Variants in APBB2 observed in about 807,000 individuals in gnomAD.
The protein encoded by APBB2 is amyloid beta precursor protein binding family B member 2.
A neutral mutation model predicts 82.5 loss-of-function variants in APBB2; 38 were observed. The observed-to-expected ratio is 0.46, with a 90% CI of 0.36 to 0.60. APBB2 has a LOEUF of 0.60. Ranked by LOEUF, APBB2 falls within the 20% of genes least tolerant of loss-of-function variation. The probability of loss-of-function intolerance (pLI) is 0.00; values close to 1 mark genes in which losing one functional copy is unlikely to be tolerated. For missense variants in APBB2, 772 were observed against 972.3 expected (o/e 0.79, Z 2.74); for synonymous variants, 341 against 368.2 (o/e 0.93, Z 0.85).
chr4:41,006,326 T>C (rs1806717928), intron 6 of APBB2, among the ~76,000 whole-genome samples: 1 of 152,224 alleles, frequency 6.6e-6, no homozygotes, highest in Non-Finnish European at 1.5e-5. Flanking sequence ...GAATTCTTCC[T>C]GTCGCATTAT....
At chr4:41,121,674 C>T (rs1560808730) in intron 2 of APBB2, among the ~76,000 whole-genome samples, 1 of 152,196 alleles carries the variant, frequency 6.6e-6, no homozygotes, top group Non-Finnish European at 1.5e-5. Context: ...CATTTTGGTT[C>T]AGCCAAATCC....
intron 1 of APBB2, among the ~76,000 whole-genome samples, chr4:41,162,094 T>A (rs1765313385): frequency 6.6e-6 from 1 of 152,132 alleles, no homozygotes; most frequent in Admixed American, 6.5e-5. Context: ...ATAAAATTTT[T>A]AAGAGACACT....
chr4:41,199,991 T>A (rs142520537), intron 1 of APBB2, among the ~76,000 whole-genome samples: 1 of 152,246 alleles, frequency 6.6e-6, no homozygotes. Flanking sequence ...TGATCTGGTA[T>A]GAGTAATTGT....
At chr4:41,191,566 C>A (rs1256607777) in intron 1 of APBB2, among the ~76,000 whole-genome samples, 1 of 152,126 alleles carries the variant, frequency 6.6e-6, no homozygotes, top group East Asian at 1.9e-4. Flanking sequence ...TGGATTTCCA[C>A]ACACAAAAGG....
intron 6 of APBB2, among the ~76,000 whole-genome samples, chr4:40,974,082 G>C (rs1329766080): frequency 6.6e-6 from 1 of 151,912 alleles, no homozygotes; most frequent in Non-Finnish European, 1.5e-5. Context: ...TCGAACTCCT[G>C]ACCTTGTGAT....
In APBB2 at chr4:40,982,392, A is replaced by G. The variant is rs1346466089; in HGVS notation, c.835+31191T>C. ...GAAGGAAGGAAGGAAGGAAGGAAGG[A>G]AAGGAAAGGAAAGAAAGAAAGAAAG... On this transcript the variant is annotated intron_variant, in intron 6 of 17. Transcript: ENST00000508593. Among the ~76,000 whole-genome samples the G allele has an allele frequency of 4.7e-4, 8 of 17,026 alleles. 2 individuals carry two copies. The highest frequency in any genetic ancestry group is 1.1e-3 in the African/African-American group (8 of 7,274). The allele number at this position is 17,026 out of a possible 152,430, so 11.2% of individuals were successfully genotyped here.
intron 6 of APBB2, among the ~76,000 whole-genome samples, chr4:40,953,801 T>C (rs1245382385): frequency 6.6e-6 from 1 of 152,166 alleles, no homozygotes; most frequent in African/African-American, 2.4e-5. Flanking sequence ...AGGGGACAGG[T>C]CAAGAGTGGG....
chr4:41,007,305 C>G (rs764843702), intron 6 of APBB2, among the ~76,000 whole-genome samples: 3 of 151,730 alleles, frequency 2.0e-5, no homozygotes, highest in Non-Finnish European at 2.9e-5. Flanking sequence ...CTGCAGCAAA[C>G]GGCACTCACT....
chr4:41,169,090 C>G (rs1767524783), intron 1 of APBB2, among the ~76,000 whole-genome samples: 1 of 148,032 alleles, frequency 6.8e-6, no homozygotes, highest in Admixed American at 6.9e-5. Context: ...GAGGCTGAGG[C>G]AGGAGAATCG....
At chr4:41,115,409 T>C (rs1419343481) in intron 2 of APBB2, among the ~76,000 whole-genome samples, 1 of 152,176 alleles carries the variant, frequency 6.6e-6, no homozygotes, top group Non-Finnish European at 1.5e-5. Context: ...GACATAGGCA[T>C]GGGCAAAGAC....
intron 2 of APBB2, among the ~76,000 whole-genome samples, chr4:41,111,518 T>C (rs961572782): frequency 9.9e-5 from 15 of 152,214 alleles, no homozygotes; most frequent in Admixed American, 7.9e-4. Context: ...AACATGTAGA[T>C]TGAAATGACT....
chr4:40,826,151 G>C lies in APBB2; in HGVS notation c.1733-181C>G. 1.7e-6 allele frequency: 1 copy of C among 588,312 alleles called. No individual in the cohort carries two copies. The highest frequency in any genetic ancestry group is 2.9e-5 in the East Asian group (1 of 34,370). 36.4% of individuals were successfully genotyped at this position (588,312 alleles called of 1,614,324 possible). Reference sequence around the variant, plus strand: ...GCATTACTCCAGATATTGGGGCTCTGTTAAAATCCTGTTCAACTTTCAAGA... The same window carrying C: ...GCATTACTCCAGATATTGGGGCTCTCTTAAAATCCTGTTCAACTTTCAAGA... On this transcript the variant is annotated intron_variant, in intron 14 of 17. Coordinates refer to ENST00000508593, the MANE Select transcript of APBB2 (RefSeq NM_004307.2). This position sits in a 1 kb window ranked among gnomAD's most constrained non-coding sequence, Gnocchi z 4.5.
chr4:40,889,790 G>GAAAATACACATTTTCTGAAA (rs1771447886), intron 12 of APBB2, among the ~76,000 whole-genome samples: 1 of 152,144 alleles, frequency 6.6e-6, no homozygotes, highest in Admixed American at 6.5e-5. Context: ...CACATTTTCA[G>GAAAATACACATTTTCTGAAA]TAGAATTTCA....
chr4:40,855,884 T>A (rs145530920), intron 12 of APBB2, among the ~76,000 whole-genome samples: 2 of 152,358 alleles, frequency 1.3e-5, no homozygotes, highest in African/African-American at 4.8e-5. Context: ...CTTTTACTTA[T>A]AACTTTTACA....
intron 12 of APBB2, among the ~76,000 whole-genome samples, chr4:40,871,537 G>A (rs565612385): frequency 9.2e-5 from 14 of 152,314 alleles, no homozygotes; most frequent in African/African-American, 3.4e-4. Flanking sequence ...AAAAGGAGTA[G>A]GAACACTGAC....
intron 4 of APBB2, among the ~76,000 whole-genome samples, chr4:41,051,966 G>C (rs1726122972): frequency 6.6e-6 from 1 of 152,200 alleles, no homozygotes; most frequent in Non-Finnish European, 1.5e-5. Context: ...TTAAATAGGA[G>C]AGTGTGTGTA....
intron 6 of APBB2, among the ~76,000 whole-genome samples, chr4:40,987,258 T>TA (rs1800644999): frequency 6.6e-6 from 1 of 152,240 alleles, no homozygotes; most frequent in Non-Finnish European, 1.5e-5. Context: ...ATTACTCAGA[T>TA]ATCTGATTTC....
At chr4:40,998,232 G>A (rs1248167372) in intron 6 of APBB2, among the ~76,000 whole-genome samples, 1 of 152,196 alleles carries the variant, frequency 6.6e-6, no homozygotes, top group Non-Finnish European at 1.5e-5. Context: ...AAGATTCACA[G>A]ATGTAATATT....
At chr4:41,201,372 C>G (rs1776655895) in intron 1 of APBB2, among the ~76,000 whole-genome samples, 1 of 152,128 alleles carries the variant, frequency 6.6e-6, no homozygotes, top group Non-Finnish European at 1.5e-5. Context: ...GAATAAAAAG[C>G]ATTTTAAACC....
Sources: gnomAD v4.1 joint callset for allele counts (sites outside exome capture counted in the v4.1 genomes callset) on GRCh38, gnomAD v4.1.1 for gene constraint, Gnocchi (gnomAD v3.1) non-coding constraint, MANE v1.5 for transcripts, NCBI Gene and HGNC (gene_info 2026-07-23, HGNC 2026-07-21) for gene names.